MCC: variants seen among roughly 807,000 people sequenced by gnomAD.
The protein encoded by MCC is colorectal mutant cancer protein.
In MCC, 90 loss-of-function variants were observed where a neutral mutation model predicts 116.2. The ratio of observed to expected loss-of-function variants is 0.77; its 90% CI spans 0.65 to 0.92. MCC has a LOEUF of 0.92. Among genes scored for constraint, MCC ranks in the 40% least tolerant of loss-of-function variants. MCC has a pLI of 0.00. For missense variants in MCC, 1,516 were observed against 1,312.2 expected (o/e 1.16, Z -2.40); for synonymous variants, 578 against 510.5 (o/e 1.13, Z -1.78).
chr5:113,370,273 T>C (rs180743464), intron 2 of MCC, among the ~76,000 whole-genome samples: 345 of 152,284 alleles, frequency 2.3e-3, no homozygotes, highest in Non-Finnish European at 8.5e-4. Context: ...TAACCATTCC[T>C]AGGCCATGAA....
At chr5:113,217,279 C>T (rs963543386) in intron 3 of MCC, among the ~76,000 whole-genome samples, 3 of 152,200 alleles carry the variant, frequency 2.0e-5, no homozygotes, top group Non-Finnish European at 4.4e-5. Flanking sequence ...GAAGCATCAA[C>T]AAACTGTTCT....
intron 1 of MCC, among the ~76,000 whole-genome samples, chr5:113,468,967 C>T (rs1374375111): frequency 1.3e-5 from 2 of 152,206 alleles, no homozygotes; most frequent in Non-Finnish European, 2.9e-5. Context: ...AGTTTATTTG[C>T]ATAGAGGTGT....
At chr5:113,073,138 C>T (rs1754158455) in intron 11 of MCC, among the ~76,000 whole-genome samples, 1 of 151,594 alleles carries the variant, frequency 6.6e-6, no homozygotes, top group South Asian at 2.1e-4. Flanking sequence ...TTATGTTTGG[C>T]CCGAGACATT....
At chr5:113,098,077 T>C (rs1207214124) in intron 8 of MCC, among the ~76,000 whole-genome samples, 1 of 152,238 alleles carries the variant, frequency 6.6e-6, no homozygotes, top group Non-Finnish European at 1.5e-5. Flanking sequence ...AAGGAACTTA[T>C]GTGGCCGATT....
chr5:113,031,259 C>T (rs1228880376), intron 17 of MCC, among the ~76,000 whole-genome samples: 1 of 152,192 alleles, frequency 6.6e-6, no homozygotes, highest in Non-Finnish European at 1.5e-5. Context: ...CCCGCCTCTG[C>T]TAAGCTGGAA....
intron 1 of MCC, among the ~76,000 whole-genome samples, chr5:113,451,136 G>A (rs983996342): frequency 3.9e-5 from 6 of 152,020 alleles, no homozygotes; most frequent in African/African-American, 1.2e-4. Flanking sequence ...ACCCATAGCT[G>A]GTGGCATACC....
chr5:113,225,825 G>T (rs548806523), intron 3 of MCC, among the ~76,000 whole-genome samples: 2 of 152,312 alleles, frequency 1.3e-5, no homozygotes, highest in South Asian at 4.1e-4. Flanking sequence ...TGACTTTAGC[G>T]ATGAAAAAAC....
chr5:113,034,178 G>A (rs1751163488), intron 17 of MCC, among the ~76,000 whole-genome samples: 3 of 151,706 alleles, frequency 2.0e-5, no homozygotes, highest in African/African-American at 4.8e-5. Context: ...GAGATTACAG[G>A]CCTGAGCAAC....
At chr5:113,145,535 A>G (rs1335946821) in intron 4 of MCC, among the ~76,000 whole-genome samples, 2 of 152,188 alleles carry the variant, frequency 1.3e-5, no homozygotes, top group Non-Finnish European at 2.9e-5. Context: ...AAGAAACTAC[A>G]AAGTCCAATG....
rs142803516 is a variant in MCC at position 113,298,559 on chromosome 5, G to A, written c.627+41960C>T. ...GAGTAGATAAGCAATGTTGAATAGA[G>A]AGTAGAATGGGTGTATTTGTAAGCT... On this transcript the variant is annotated intron_variant, in intron 3 of 18. Coordinates refer to ENST00000408903, the MANE Select transcript of MCC (RefSeq NM_001085377.2). 3.1e-3 allele frequency among the ~76,000 whole-genome samples: 467 copies of A among 152,294 alleles called. 2 individuals carry two copies. Among genetic ancestry groups the A allele is most frequent in the African/African-American group, 0.01 (420 of 41,570 alleles).
intron 1 of MCC, among the ~76,000 whole-genome samples, chr5:113,477,711 G>T (rs774025748): frequency 6.6e-6 from 1 of 152,162 alleles, no homozygotes; most frequent in African/African-American, 2.4e-5. Flanking sequence ...CTCCAGAGAT[G>T]TGAAGAGTAG....
chr5:113,047,838 A>AG (rs1201317417), intron 16 of MCC, among the ~76,000 whole-genome samples: 5 of 151,542 alleles, frequency 3.3e-5, no homozygotes, highest in Admixed American at 6.6e-5. Flanking sequence ...GATTCCAGAA[A>AG]AAAAAAAAAA....
At chr5:113,215,857 T>C (rs995752684) in intron 3 of MCC, among the ~76,000 whole-genome samples, 1 of 152,200 alleles carries the variant, frequency 6.6e-6, no homozygotes, top group Admixed American at 6.5e-5. Context: ...AGCCATTAGT[T>C]AGTCATTCTA....
chr5:113,404,409 A>T (rs1188934283), intron 1 of MCC, among the ~76,000 whole-genome samples: 1 of 152,240 alleles, frequency 6.6e-6, no homozygotes, highest in East Asian at 1.9e-4. Flanking sequence ...TCCTGGTCAC[A>T]GACAGAAAGT....
rs1321054067 is a variant in MCC, at chr5:113,483,513, T to C, written c.170+4732A>G. ...TATCCCTTGGTTATGGGATTAGAGA[T>C]CATTTTGATCTTATTTTTGTATATT... On this transcript the variant is annotated intron_variant, in intron 1 of 18. Coordinates refer to ENST00000408903, the MANE Select transcript of MCC (RefSeq NM_001085377.2). Among the ~76,000 whole-genome samples, 3 of 152,170 alleles carry C rather than the reference T, an allele frequency of 2.0e-5. No homozygotes were observed. In the East Asian group the frequency reaches 5.8e-4, roughly 29 times the overall value.
chr5:113,419,645 G>T (rs962329936), intron 1 of MCC, among the ~76,000 whole-genome samples: 5 of 151,726 alleles, frequency 3.3e-5, no homozygotes, highest in Admixed American at 6.6e-5. Flanking sequence ...TGATAGACTG[G>T]ATTAAGAAAA....
chr5:113,356,757 C>CT (rs1561536383), intron 2 of MCC, among the ~76,000 whole-genome samples: 1 of 152,204 alleles, frequency 6.6e-6, no homozygotes, highest in Non-Finnish European at 1.5e-5. Context: ...GCCAAGACTC[C>CT]TGTGAGAATG....
intron 2 of MCC, among the ~76,000 whole-genome samples, chr5:113,348,070 T>C (rs1768176342): frequency 6.6e-6 from 1 of 152,032 alleles, no homozygotes; most frequent in South Asian, 2.1e-4. Context: ...GATATATAAA[T>C]ATTATTAGAG....
At chr5:113,470,888 C>A (rs1381910421) in intron 1 of MCC, among the ~76,000 whole-genome samples, 1 of 152,040 alleles carries the variant, frequency 6.6e-6, no homozygotes, top group Non-Finnish European at 1.5e-5. Context: ...TCTTTTTATT[C>A]TTTTTTCTCT....
Sources: allele counts gnomAD v4.1 joint callset (sites outside exome capture counted in the v4.1 genomes callset), GRCh38; gene constraint gnomAD v4.1.1; transcripts MANE v1.5; gene names NCBI Gene and HGNC (gene_info 2026-07-23, HGNC 2026-07-21).